The following ARPC2 variants were observed in gnomAD, a reference collection of about 807,000 sequenced individuals.
ARPC2 encodes the protein actin-related protein 2/3 complex subunit 2.
In ARPC2, 4 loss-of-function variants were observed where a neutral mutation model predicts 38.6. That is an observed-to-expected ratio of 0.10 (90% CI 0.05 to 0.24). The LOEUF is 0.24. ARPC2 is among the 10% of genes least tolerant of loss of function. The pLI is 1.00. For missense variants in ARPC2, 229 were observed against 387.3 expected (o/e 0.59, Z 3.43); for synonymous variants, 125 against 140.8 (o/e 0.89, Z 0.79).
intron 3 of ARPC2, among the ~76,000 whole-genome samples, chr2:218,227,735 C>T (rs974865423): frequency 6.6e-6 from 1 of 152,052 alleles, no homozygotes; most frequent in African/African-American, 2.4e-5. Context: ...GGATTACAGG[C>T]ATGTGCCACC....
Position 218,245,412 on chromosome 2 carries a change from C to G in ARPC2, c.550-8C>G. On this transcript the variant is annotated splice_region_variant and splice_polypyrimidine_tract_variant and intron_variant, in intron 7 of 10. Transcript: ENST00000315717. ...TCTCTTCTGGTTGCTTTTGCTTTGT[C>G]TTGGCAGGAGTTCAAAGAAGGACGC... The G allele has an allele frequency of 6.2e-7, 1 of 1,613,980 alleles. No individual in the cohort carries two copies. Among genetic ancestry groups the G allele is most frequent in the Non-Finnish European group, 8.5e-7 (1 of 1,179,984 alleles).
intron 7 of ARPC2, among the ~76,000 whole-genome samples, chr2:218,244,916 T>A (rs1689995339): frequency 6.6e-6 from 1 of 152,262 alleles, no homozygotes; most frequent in Non-Finnish European, 1.5e-5. Context: ...CATAGGAATG[T>A]ATGGACTGTA....
chr2:218,226,289 CA>C (rs1044723809), intron 3 of ARPC2, among the ~76,000 whole-genome samples: 67 of 134,062 alleles, frequency 5.0e-4, no homozygotes, highest in Admixed American at 4.5e-4. Flanking sequence ...GAGACTGTCT[CA>C]AAAAAAAAAA....
chr2:218,243,398 G>A (rs1689961184), intron 7 of ARPC2, among the ~76,000 whole-genome samples: 1 of 152,220 alleles, frequency 6.6e-6, no homozygotes, highest in African/African-American at 2.4e-5. Context: ...TGCCAATGAA[G>A]ATGGAGGGCT....
intron 4 of ARPC2, among the ~76,000 whole-genome samples, chr2:218,232,546 ATTTTTTTT>A (rs71064418): frequency 9.6e-5 from 8 of 83,148 alleles, no homozygotes; most frequent in African/African-American, 2.6e-4. Context: ...GCCAGACTCA[ATTTTTTTT>A]TTTTTTTTTT....
At chr2:218,224,030 C>T (rs1453527937) in intron 2 of ARPC2, among the ~76,000 whole-genome samples, 1 of 152,188 alleles carries the variant, frequency 6.6e-6, no homozygotes, top group African/African-American at 2.4e-5. Context: ...CTAATACTCT[C>T]CTCAGCAGCC....
chr2:218,230,616 C>G (rs116111048), intron 4 of ARPC2, among the ~76,000 whole-genome samples: 1 of 152,084 alleles, frequency 6.6e-6, no homozygotes, highest in Non-Finnish European at 1.5e-5. Context: ...TGCTTTGGAT[C>G]AGCTATAACT....
intron 5 of ARPC2, chr2:218,234,879 C>T (rs757064698): frequency 1.8e-5 from 8 of 456,586 alleles, no homozygotes; most frequent in African/African-American, 4.0e-5. Flanking sequence ...ACATTCATGG[C>T]CAGAGGAATT....
chr2:218,237,121 A>T (rs1689792356), intron 5 of ARPC2, among the ~76,000 whole-genome samples: 2 of 152,184 alleles, frequency 1.3e-5, no homozygotes, highest in Non-Finnish European at 2.9e-5. Flanking sequence ...CATGTTCCAC[A>T]CACTTTAAGT....
chr2:218,230,297 T>C (rs897233271), intron 4 of ARPC2, among the ~76,000 whole-genome samples: 3 of 132,688 alleles, frequency 2.3e-5, no homozygotes, highest in South Asian at 2.7e-4. Context: ...CTTTTTTTTT[T>C]TTTTTTTTTT....
intron 7 of ARPC2, 108 bp from the exon 8 acceptor site, chr2:218,245,312 G>C: frequency 7.1e-7 from 1 of 1,400,510 alleles, no homozygotes; most frequent in Non-Finnish European, 9.9e-7. Flanking sequence ...CCTCCTGCTG[G>C]TCTGGAGGGC....
At chr2:218,217,830 A>C (rs565796325) in intron 2 of ARPC2, among the ~76,000 whole-genome samples, 23 of 152,182 alleles carry the variant, frequency 1.5e-4, no homozygotes, top group Non-Finnish European at 7.4e-5. Flanking sequence ...CTGGAGCCGG[A>C]ACTCGCTCCG....
In ARPC2 at chr2:218,249,886, C is replaced by T. The variant is rs1049947349; in HGVS notation, c.843C>T (p.Arg281=). ...TCCTCAAGGTGCTGAACCGCGCACG[C>T]CCAGATGCCGAGAAAAAAGAAATGA... ...SDFLKVLNRA[R]PDAEKKEMKT... The change falls in exon 10 of 11, where the codon CGC becomes CGT. Residue 281 remains arginine, a synonymous_variant. Coordinates refer to ENST00000315717, the MANE Select transcript of ARPC2 (RefSeq NM_152862.3). The T allele has an allele frequency of 1.2e-6, 2 of 1,613,592 alleles. No homozygotes were observed. The highest frequency in any genetic ancestry group is 8.5e-7 in the Non-Finnish European group (1 of 1,179,800).
At chr2:218,231,231 T>TAC (rs397793674) in intron 4 of ARPC2, among the ~76,000 whole-genome samples, 1 of 150,444 alleles carries the variant, frequency 6.6e-6, no homozygotes, top group African/African-American at 2.4e-5. Flanking sequence ...CCTGGTGTCA[T>TAC]TGGGAGAGGG....
At chr2:218,252,768 GC>G (rs1690223954) in intron 10 of ARPC2, among the ~76,000 whole-genome samples, 1 of 152,206 alleles carries the variant, frequency 6.6e-6, no homozygotes, top group African/African-American at 2.4e-5. Context: ...CGATTCCACA[GC>G]CAGCAGGCAG....
At chr2:218,226,490 A>G (rs1319506485) in intron 3 of ARPC2, among the ~76,000 whole-genome samples, 3 of 151,756 alleles carry the variant, frequency 2.0e-5, no homozygotes, top group Admixed American at 6.6e-5. Context: ...TTAGCTGGGC[A>G]TGGTGGCGGG....
intron 8 of ARPC2, among the ~76,000 whole-genome samples, chr2:218,248,918 T>C (rs1413062820): frequency 6.6e-6 from 1 of 152,200 alleles, no homozygotes; most frequent in Admixed American, 6.5e-5. Context: ...GGCATCTGTT[T>C]TCTGGGAAGG....
rs376652258 is a variant in ARPC2, at chr2:218,244,782, A to G, written c.550-638A>G. On this transcript the variant is annotated intron_variant, in intron 7 of 10. Coordinates refer to ENST00000315717, the MANE Select transcript of ARPC2 (RefSeq NM_152862.3). ...CCTTGGCAGCATCCTCCTGCTGTCT[A>G]TCATCTTGGAAGGCCCACTTGATGA... Among the ~76,000 whole-genome samples the G allele has an allele frequency of 4.3e-4, 66 of 152,380 alleles. 2 individuals carry two copies. The South Asian group carries it at 7.0e-3, about 16-fold the overall frequency.
chr2:218,226,997 T>C, intron 3 of ARPC2: 1 of 456,678 alleles, frequency 2.2e-6, no homozygotes, highest in Non-Finnish European at 4.4e-6. Flanking sequence ...ACTTGTTAGG[T>C]GAATGAACTC....
Sources: gnomAD v4.1 joint callset for allele counts (sites outside exome capture counted in the v4.1 genomes callset) on GRCh38, gnomAD v4.1.1 for gene constraint, MANE v1.5 for transcripts, NCBI Gene and HGNC (gene_info 2026-07-23, HGNC 2026-07-21) for gene names.